Variants in ELAPOR1 observed in about 807,000 individuals in gnomAD.
ELAPOR1 encodes the protein endosome/lysosome-associated apoptosis and autophagy regulator 1.
Under a neutral mutation model 119.7 loss-of-function variants are expected in ELAPOR1, and 77 were observed. That is an observed-to-expected ratio of 0.64 (90% CI 0.54 to 0.78). The LOEUF (loss-of-function observed/expected upper bound fraction) is 0.78, where lower values mean the gene tolerates loss of function less well. ELAPOR1 is among the 30% of genes least tolerant of loss of function. The pLI is 0.00. For synonymous variants in ELAPOR1, 481 were observed against 487.2 expected (o/e 0.99, Z 0.17); for missense variants, 1,115 against 1,270.4 (o/e 0.88, Z 1.86).
chr1:109,141,141 C>G (rs1649802149), intron 1 of ELAPOR1, among the ~76,000 whole-genome samples: 1 of 152,148 alleles, frequency 6.6e-6, no homozygotes, highest in Non-Finnish European at 1.5e-5. Flanking sequence ...CATGAGCCAT[C>G]ATGCCCGGCC....
intron 2 of ELAPOR1, 51 bp from the exon 3 acceptor site, chr1:109,164,448 T>C (rs376857962): frequency 6.6e-7 from 1 of 1,518,240 alleles, no homozygotes; most frequent in Non-Finnish European, 9.0e-7. Context: ...CATTCACTTC[T>C]GGGGCTGCAG....
intron 3 of ELAPOR1, among the ~76,000 whole-genome samples, chr1:109,169,025 T>C (rs1194763227): frequency 6.6e-6 from 1 of 152,216 alleles, no homozygotes; most frequent in African/African-American, 2.4e-5. Flanking sequence ...GAGTTATTTA[T>C]AGCTGATGTC....
At chr1:109,201,144 T>G (rs1300521682) in intron 21 of ELAPOR1, among the ~76,000 whole-genome samples, 2 of 152,214 alleles carry the variant, frequency 1.3e-5, no homozygotes, top group African/African-American at 4.8e-5. Flanking sequence ...GCACTCCAGT[T>G]AGTGAACTGT....
intron 1 of ELAPOR1, among the ~76,000 whole-genome samples, chr1:109,150,181 T>C (rs1570644509): frequency 6.6e-6 from 1 of 152,064 alleles, no homozygotes; most frequent in African/African-American, 2.4e-5. Flanking sequence ...CCCAGGTCCG[T>C]GTGGAGGCCA....
At chr1:109,156,950 T>C (rs1027064389) in intron 1 of ELAPOR1, among the ~76,000 whole-genome samples, 1 of 152,178 alleles carries the variant, frequency 6.6e-6, no homozygotes, top group Non-Finnish European at 1.5e-5. Context: ...GAGGTGCTTC[T>C]CTCAGAAGAA....
At position 109,192,668 on chromosome 1, in the gene ELAPOR1, A is replaced by G. The variant is rs1234395163; in HGVS notation, c.1741A>G (p.Met581Val). 6.2e-7 allele frequency: 1 copy of G among 1,613,988 alleles called. No individual in the cohort carries two copies. Among genetic ancestry groups the G allele is most frequent in the Non-Finnish European group, 8.5e-7 (1 of 1,180,004 alleles). Reference protein sequence around the residue: ...KIYSINVTNVMNGVASYCRPC... With the variant: ...KIYSINVTNVVNGVASYCRPC... ...CTACTCCATCAATGTCACCAATGTTATGAATGGTGTGGCCTCCTACTGCCG... is the reference window on the plus strand; with the variant it reads ...CTACTCCATCAATGTCACCAATGTTGTGAATGGTGTGGCCTCCTACTGCCG... The change falls in exon 14 of 22, where the codon ATG becomes GTG. Residue 581 changes from methionine to valine, a missense_variant. Met to Val is a conservative substitution (Grantham distance 21). Transcript: ENST00000369939.
rs1570683728 is a variant in ELAPOR1, at chr1:109,173,831, T to C, written c.946T>C (p.Tyr316His). The C allele has an allele frequency of 6.2e-7, 1 of 1,613,818 alleles. No homozygotes were observed. Among genetic ancestry groups the C allele is most frequent in the Admixed American group, 1.7e-5 (1 of 60,002 alleles). The change falls in exon 7 of 22, where the codon TAC (tyrosine) becomes CAC (histidine). Residue 316 changes from tyrosine to histidine, a missense_variant. By Grantham distance (83) the Tyr-to-His change is moderately conservative. Transcript: ENST00000369939. ...TTGCCACCAGTGTGACCCTGACAAA[T>C]ACTCAGGTGATGTTTCTGAGGGTGG... The part of the protein sequence containing the change: ...TSCHQCDPDK[Y>H]SEKGSSSCNV...
chr1:109,199,745 TG>T, intron 18 of ELAPOR1, 108 bp from the exon 19 acceptor site: 1 of 1,294,324 alleles, frequency 7.7e-7, no homozygotes, highest in Non-Finnish European at 1.1e-6. Flanking sequence ...GCTAATGGTT[TG>T]GGCAGGGAGA....
In ELAPOR1 at chr1:109,136,357, A is replaced by G. The variant is rs1185090901; in HGVS notation, c.153+22021A>G. On this transcript the variant is annotated intron_variant, in intron 1 of 21. Transcript: ENST00000369939. ...GTTGGAGTTATGCTGCCACAAGCCA[A>G]GGAAATCAAGGATGGCTGGCTGTCC... Among the ~76,000 whole-genome samples, 4 of 152,350 alleles carry G rather than the reference A, an allele frequency of 2.6e-5. No homozygotes were observed. The East Asian group carries it at 7.7e-4, about 29-fold the overall frequency.
At chr1:109,166,520 G>T (rs1651611247) in intron 3 of ELAPOR1, among the ~76,000 whole-genome samples, 1 of 152,164 alleles carries the variant, frequency 6.6e-6, no homozygotes, top group Non-Finnish European at 1.5e-5. Context: ...CACTATTCTG[G>T]ATGCTTTACA....
At chr1:109,171,211 C>T (rs150933555) in intron 3 of ELAPOR1, among the ~76,000 whole-genome samples, 3,686 of 152,162 alleles carry the variant, frequency 0.024, 84 homozygotes, top group Admixed American at 0.043. Flanking sequence ...GAATATAAAG[C>T]ACGTAGTTCA....
chr1:109,175,826 CAAAAAAAAA>C (rs55824923), intron 7 of ELAPOR1, among the ~76,000 whole-genome samples: 320 of 88,480 alleles, frequency 3.6e-3, no homozygotes, highest in Middle Eastern at 0.016. Flanking sequence ...GACTCAGTCT[CAAAAAAAAA>C]AAAAAAAAAA....
rs542866627 is a variant in ELAPOR1 at position 109,205,609 on chromosome 1, A to G, written c.*2597A>G. On this transcript the variant is annotated 3_prime_UTR_variant, in exon 22 of 22. Coordinates refer to ENST00000369939, the MANE Select transcript of ELAPOR1 (RefSeq NM_020775.5). ...GCCTAAAGTCTTCTGTAGCCTCAGC[A>G]ATACTTGGGCACCTGCTGTCTCACT... is the stretch of plus-strand genomic sequence containing the variant. 1.3e-5 allele frequency: 2 copies of G among 152,352 alleles called. No individual in the cohort carries two copies. Among genetic ancestry groups the G allele is most frequent in the East Asian group, 1.9e-4 (1 of 5,194 alleles). The allele number at this position is 152,352 out of a possible 1,614,324, so 9.4% of individuals were successfully genotyped here.
chr1:109,174,738 C>T (rs1401266981), intron 7 of ELAPOR1, among the ~76,000 whole-genome samples: 2 of 151,196 alleles, frequency 1.3e-5, no homozygotes, highest in South Asian at 2.1e-4. Context: ...TTTTTTGAGA[C>T]GGAGTCTTTC....
chr1:109,149,979 A>G (rs514979), intron 1 of ELAPOR1, among the ~76,000 whole-genome samples: 129,635 of 152,270 alleles, frequency 0.85, 55,309 homozygotes, highest in East Asian at 0.91. Context: ...TGGCACATGG[A>G]TGCTTAGAGG....
chr1:109,148,589 C>T (rs1007847832), intron 1 of ELAPOR1, among the ~76,000 whole-genome samples: 3 of 152,190 alleles, frequency 2.0e-5, no homozygotes, highest in Non-Finnish European at 2.9e-5. Flanking sequence ...CTATTTGCTC[C>T]AGTAGAGTTA....
At chr1:109,195,164 G>A (rs1653704924) in intron 15 of ELAPOR1, among the ~76,000 whole-genome samples, 1 of 151,512 alleles carries the variant, frequency 6.6e-6, no homozygotes, top group Middle Eastern at 3.2e-3. Flanking sequence ...TCTTTTACCT[G>A]ACCTTTATTT....
At chr1:109,140,448 G>A (rs1330059596) in intron 1 of ELAPOR1, among the ~76,000 whole-genome samples, 2 of 152,200 alleles carry the variant, frequency 1.3e-5, no homozygotes, top group Non-Finnish European at 2.9e-5. Flanking sequence ...TGCTCAGAAG[G>A]CAGCTGTGGG....
intron 1 of ELAPOR1, among the ~76,000 whole-genome samples, chr1:109,136,619 G>A (rs1437646697): frequency 2.0e-5 from 3 of 152,124 alleles, no homozygotes; most frequent in African/African-American, 7.2e-5. Flanking sequence ...AGGTGAAGGA[G>A]GACTTCCAGT....
Sources: allele counts gnomAD v4.1 joint callset (sites outside exome capture counted in the v4.1 genomes callset), GRCh38; gene constraint gnomAD v4.1.1; transcripts MANE v1.5; gene names NCBI Gene and HGNC (gene_info 2026-07-23, HGNC 2026-07-21).